Variants in ENTREP2 observed in about 807,000 individuals in gnomAD.
The protein encoded by ENTREP2 is protein ENTREP2.
At chr15:29,460,881 G>T in the ENTREP2 span, among the ~76,000 whole-genome samples, 3 of 152,168 alleles carry the variant, frequency 2.0e-5, no homozygotes, top group South Asian at 6.2e-4. Flanking sequence ...ATAAAACCTA[G>T]AAGTCAATTT....
chr15:29,513,883 C>A, the ENTREP2 span, among the ~76,000 whole-genome samples: 1 of 152,198 alleles, frequency 6.6e-6, no homozygotes, highest in African/African-American at 2.4e-5. Context: ...CAATACCTGG[C>A]GCTGTTCTTG....
the ENTREP2 span, among the ~76,000 whole-genome samples, chr15:29,469,426 C>A: frequency 6.6e-6 from 1 of 152,182 alleles, no homozygotes; most frequent in Non-Finnish European, 1.5e-5. Flanking sequence ...TCTCGAACTA[C>A]TGACCTCCAG....
chr15:29,481,893 T>C, the ENTREP2 span, among the ~76,000 whole-genome samples: 1 of 152,178 alleles, frequency 6.6e-6, no homozygotes, highest in Non-Finnish European at 1.5e-5. Context: ...CAGATTTTGG[T>C]TCACAGCAAA....
the ENTREP2 span, among the ~76,000 whole-genome samples, chr15:29,237,057 T>C: frequency 6.6e-6 from 1 of 152,220 alleles, no homozygotes; most frequent in Admixed American, 6.5e-5. Context: ...TTTAGGTATA[T>C]AAAACTGATT....
chr15:29,187,523 G>A, the ENTREP2 span, among the ~76,000 whole-genome samples: 2 of 152,024 alleles, frequency 1.3e-5, no homozygotes, highest in Admixed American at 6.6e-5. Flanking sequence ...TGATCCACCC[G>A]CTTCAGCCTC....
At chr15:29,671,941 C>T in the ENTREP2 span, among the ~76,000 whole-genome samples, 1 of 152,206 alleles carries the variant, frequency 6.6e-6, no homozygotes, top group Non-Finnish European at 1.5e-5. Context: ...AGCTGGCTGC[C>T]ATGGCTTCCA....
At chr15:29,365,666 A>G in the ENTREP2 span, among the ~76,000 whole-genome samples, 1 of 152,146 alleles carries the variant, frequency 6.6e-6, no homozygotes, top group African/African-American at 2.4e-5. Flanking sequence ...AAATTATAAA[A>G]AAAAATACAG....
chr15:29,130,554 G>A, the ENTREP2 span, among the ~76,000 whole-genome samples: 82,206 of 152,018 alleles, frequency 0.54, 26,289 homozygotes, highest in East Asian at 0.79. Flanking sequence ...TGGTAATAAA[G>A]AAATATAAAT....
At chr15:29,170,156 A>G in the ENTREP2 span, among the ~76,000 whole-genome samples, 2 of 151,826 alleles carry the variant, frequency 1.3e-5, no homozygotes, top group Non-Finnish European at 2.9e-5. Context: ...AAAATAAAAA[A>G]AATTAGCCAG....
At chr15:29,432,985 A>G in the ENTREP2 span, among the ~76,000 whole-genome samples, 2 of 152,194 alleles carry the variant, frequency 1.3e-5, no homozygotes, top group African/African-American at 4.8e-5. Flanking sequence ...GGTCTTTATC[A>G]TGGTGTAAGG....
the ENTREP2 span, among the ~76,000 whole-genome samples, chr15:29,319,373 T>C: frequency 6.6e-6 from 1 of 152,164 alleles, no homozygotes; most frequent in Non-Finnish European, 1.5e-5. Context: ...CACAAGTCAA[T>C]GCAGGCTGAG....
At chr15:29,252,374 G>A in the ENTREP2 span, 1 of 1,546,596 alleles carries the variant, frequency 6.5e-7, no homozygotes, top group South Asian at 1.2e-5. Flanking sequence ...TTACCAACTG[G>A]CAGCCTTCTA....
At chr15:29,164,733 G>A in the ENTREP2 span, among the ~76,000 whole-genome samples, 2 of 151,986 alleles carry the variant, frequency 1.3e-5, no homozygotes, top group Non-Finnish European at 2.9e-5. Context: ...TAATAGTGGG[G>A]GACTTCAATA....
the ENTREP2 span, among the ~76,000 whole-genome samples, chr15:29,299,368 G>A: frequency 1.4e-4 from 21 of 152,282 alleles, no homozygotes; most frequent in African/African-American, 5.1e-4. Flanking sequence ...CTGGAAAGAC[G>A]CAGTGGTGGA....
chr15:29,598,357 G>C, the ENTREP2 span, among the ~76,000 whole-genome samples: 1 of 152,194 alleles, frequency 6.6e-6, no homozygotes, highest in Admixed American at 6.5e-5. Context: ...TTTAACTACA[G>C]ATTAAGTATT....
chr15:29,395,366 T>G, the ENTREP2 span, among the ~76,000 whole-genome samples: 1 of 152,156 alleles, frequency 6.6e-6, no homozygotes, highest in African/African-American at 2.4e-5. Context: ...TTTGGGTATG[T>G]ACCCAGAAGT....
At chr15:29,605,396 C>T in the ENTREP2 span, among the ~76,000 whole-genome samples, 35 of 152,262 alleles carry the variant, frequency 2.3e-4, no homozygotes, top group African/African-American at 7.7e-4. Context: ...TACACAAATA[C>T]CTCCTCTATG....
At chr15:29,339,223 T>A in the ENTREP2 span, among the ~76,000 whole-genome samples, 2 of 152,218 alleles carry the variant, frequency 1.3e-5, no homozygotes, top group Non-Finnish European at 2.9e-5. Flanking sequence ...TTTGATGCCA[T>A]GGGAGAGGGC....
At chr15:29,378,793 G>T in the ENTREP2 span, among the ~76,000 whole-genome samples, 1 of 152,100 alleles carries the variant, frequency 6.6e-6, no homozygotes, top group South Asian at 2.1e-4. Flanking sequence ...ATACATCTGT[G>T]TATGCGTGTG....
Sources: allele counts gnomAD v4.1 joint callset (sites outside exome capture counted in the v4.1 genomes callset), GRCh38; gene constraint gnomAD v4.1.1; transcripts MANE v1.5; gene names NCBI Gene and HGNC (gene_info 2026-07-23, HGNC 2026-07-21).